Variants in OTOA observed in about 807,000 individuals in gnomAD.
OTOA encodes otoancorin.
OTOA carries 70 observed loss-of-function variants against 110.8 expected under a neutral mutation model. The observed-to-expected ratio is 0.63, with a 90% confidence interval of 0.52 to 0.77. OTOA has a LOEUF of 0.77. Among genes scored for constraint, OTOA ranks in the 30% least tolerant of loss-of-function variants. The pLI, the probability that OTOA is intolerant of heterozygous loss-of-function variation, is 0.00. For missense variants in OTOA, 917 were observed against 1,075.8 expected, an observed-to-expected ratio of 0.85 and a Z score of 2.06; for synonymous variants, 373 against 431.5, an observed-to-expected ratio of 0.86 and a Z score of 1.68.
intron 1 of OTOA, among the ~76,000 whole-genome samples, chr16:21,674,627 C>T (rs1966853719): frequency 6.6e-6 from 1 of 150,412 alleles, no homozygotes; most frequent in Admixed American, 6.6e-5. Flanking sequence ...ATTCACTGCG[C>T]CTGGCTTCAT....
In OTOA at chr16:21,678,662, G is replaced by C. The variant is rs1327269877; in HGVS notation, c.91+57G>C. 2.7e-6 allele frequency: 4 copies of C among 1,480,138 alleles called. No homozygotes were observed. The East Asian group carries it at 9.1e-5, about 34-fold the overall frequency. The allele number at this position is 1,480,138 out of a possible 1,614,324, so 91.7% of individuals were successfully genotyped here. A position where few individuals can be genotyped will look rare whatever the true frequency, so the allele number is the denominator to read the frequency against. ...GTTTCCACACAGTTTAGGGAATGAG[G>C]TGGGATAGATACATTAGGTACATGA... On this transcript the variant is annotated intron_variant, in intron 2 of 28. Transcript: ENST00000646100.
At chr16:21,728,595 T>G (rs889194602) in intron 20 of OTOA, among the ~76,000 whole-genome samples, 164 bp downstream of exon 20, 5 of 152,020 alleles carry the variant, frequency 3.3e-5, no homozygotes, top group African/African-American at 4.8e-5. Flanking sequence ...CTTCAGATTT[T>G]TTTTTTTTTT....
chr16:21,701,035 C>A lies in OTOA; in HGVS notation c.980+8C>A. On this transcript the variant is annotated splice_region_variant and intron_variant, in intron 11 of 28. Coordinates refer to ENST00000646100, the MANE Select transcript of OTOA (RefSeq NM_144672.4). ...TACCTCCACCATCCACAGGCAAGCG[C>A]ATGAGCTCTGGGCCTTGGAGCCCTT... 6.2e-7 allele frequency: 1 copy of A among 1,614,166 alleles called. No homozygotes were observed.
rs1375577876 is a variant in OTOA at position 21,736,277 on chromosome 16, T to C, written c.2318T>C (p.Leu773Pro). The C allele has an allele frequency of 6.2e-7, 1 of 1,613,676 alleles. No individual in the cohort carries two copies. The highest frequency in any genetic ancestry group is 1.1e-5 in the South Asian group (1 of 91,064). The change falls in exon 22 of 29, where the codon CTG becomes CCG. Residue 773 changes from leucine to proline, a missense_variant. By Grantham distance (98) the Leu-to-Pro change is moderately conservative. Coordinates refer to ENST00000646100, the MANE Select transcript of OTOA (RefSeq NM_144672.4). ...TTCACACAGTTTCCTGAGATCCTTCTGCAAGCAGCTTCCAAGATGGCCAGG... is the reference window on the plus strand; with the variant it reads ...TTCACACAGTTTCCTGAGATCCTTCCGCAAGCAGCTTCCAAGATGGCCAGG... ...SIATKFPEIL[L>P]QAASKMARTL... is the part of the protein sequence containing the mutation.
intron 21 of OTOA, among the ~76,000 whole-genome samples, chr16:21,735,803 A>C (rs1899275244): frequency 6.6e-6 from 1 of 152,138 alleles, no homozygotes; most frequent in Admixed American, 6.5e-5. Context: ...CATGTTGGCC[A>C]GGCCAGTCTT....
intron 6 of OTOA, 111 bp from the exon 7 acceptor site, chr16:21,685,119 T>C: frequency 4.9e-6 from 7 of 1,443,000 alleles, no homozygotes; most frequent in Non-Finnish European, 5.7e-6. Flanking sequence ...TGGCCACTAG[T>C]TGTGGTCTCT....
chr16:21,759,765 G>A (rs1597874513), intron 28 of OTOA, among the ~76,000 whole-genome samples: 1 of 151,964 alleles, frequency 6.6e-6, no homozygotes, highest in South Asian at 2.1e-4. Context: ...GCCAGGTGTG[G>A]TGGCACATGC....
intron 12 of OTOA, among the ~76,000 whole-genome samples, chr16:21,706,282 G>A (rs1332347408): frequency 2.0e-5 from 3 of 152,082 alleles, no homozygotes; most frequent in South Asian, 2.1e-4. Context: ...GAGCCATTGC[G>A]CCCAGCTGAC....
At position 21,726,583 on chromosome 16, in the gene OTOA, G is replaced by A. The variant is rs1898925115; in HGVS notation, c.1941G>A (p.Gly647=). The A allele has an allele frequency of 6.2e-7, 1 of 1,613,956 alleles. No individual in the cohort carries two copies. ...SQCVPFLISL[G]KSWLDSLVLD... ...GTGTGCCCTTTCTGATCAGCCTGGG[G>A]AAGAGCTGGTTGGACTCCTTGGTTT... The change falls in exon 19 of 29, where the codon GGG becomes GGA. Residue 647 remains glycine (G), a synonymous_variant. Coordinates refer to ENST00000646100, the MANE Select transcript of OTOA (RefSeq NM_144672.4).
In OTOA at chr16:21,719,290, C is replaced by A. The variant is rs529088240; in HGVS notation, c.1689-97C>A. The stretch of plus-strand genomic sequence containing the variant: ...AGGTGGGAGAGTTAGGCAGTCACAT[C>A]TGTAGCTTGTATCTGATCATATCTG... On this transcript the variant is annotated intron_variant, in intron 16 of 28. Coordinates refer to ENST00000646100, the MANE Select transcript of OTOA (RefSeq NM_144672.4). The A allele has an allele frequency of 4.9e-5, 76 of 1,559,096 alleles. 1 individual carries two copies. The South Asian group carries it at 8.4e-4, about 17-fold the overall frequency.
intron 28 of OTOA, 134 bp from the exon 29 acceptor site, chr16:21,760,336 A>G (rs1900129193): frequency 4.3e-6 from 3 of 690,430 alleles, no homozygotes; most frequent in Non-Finnish European, 7.6e-6. Context: ...CATTGTTCCC[A>G]TTTAAGAGAC....
intron 18 of OTOA, among the ~76,000 whole-genome samples, chr16:21,724,760 CATTAATTA>C (rs1002940902): frequency 2.6e-5 from 4 of 152,008 alleles, no homozygotes; most frequent in African/African-American, 9.7e-5. Context: ...TTCTTCCTTA[CATTAATTA>C]ATTAATTAAT....
intron 18 of OTOA, among the ~76,000 whole-genome samples, chr16:21,724,642 G>A (rs1377306098): frequency 6.6e-6 from 1 of 152,100 alleles, no homozygotes; most frequent in Non-Finnish European, 1.5e-5. Flanking sequence ...CCAGATCTTG[G>A]CATGGCACTT....
At chr16:21,667,955 C>T (rs1431535859) in intron 1 of OTOA, among the ~76,000 whole-genome samples, 5 of 151,174 alleles carry the variant, frequency 3.3e-5, no homozygotes, top group Admixed American at 1.3e-4. Context: ...CCATTTGGTC[C>T]GTGGGTGGTA....
intron 13 of OTOA, among the ~76,000 whole-genome samples, chr16:21,714,348 T>C (rs1421376475): frequency 0.022 from 2,161 of 99,510 alleles, 24 homozygotes; most frequent in Non-Finnish European, 0.033. Flanking sequence ...TTTCTTTCTT[T>C]CTTTCCTTCT....
chr16:21,756,940 T>A (rs1900003679), intron 27 of OTOA, 142 bp from the exon 28 acceptor site: 1 of 157,430 alleles, frequency 6.4e-6, no homozygotes, highest in Non-Finnish European at 1.3e-5. Context: ...GTGATCTAAT[T>A]TTAAGGAAAT....
intron 17 of OTOA, chr16:21,721,653 C>T (rs1898746687): frequency 4.4e-5 from 16 of 361,648 alleles, no homozygotes; most frequent in South Asian, 3.3e-4. Context: ...CTTTGGGAGG[C>T]TGAAGTGGGA....
chr16:21,688,713 T>C (rs1388365146), intron 8 of OTOA, among the ~76,000 whole-genome samples: 3 of 152,012 alleles, frequency 2.0e-5, no homozygotes, highest in Non-Finnish European at 2.9e-5. Flanking sequence ...CCCTCTGGGA[T>C]CTCTTTTATA....
At chr16:21,665,146 G>A (rs540668652) in intron 1 of OTOA, among the ~76,000 whole-genome samples, 1 of 152,242 alleles carries the variant, frequency 6.6e-6, no homozygotes, top group Non-Finnish European at 1.5e-5. Context: ...TTTGGTTCAG[G>A]TTAAAGCTGG....
Sources: gnomAD v4.1 joint callset for allele counts (sites outside exome capture counted in the v4.1 genomes callset) on GRCh38, gnomAD v4.1.1 for gene constraint, MANE v1.5 for transcripts, NCBI Gene and HGNC (gene_info 2026-07-23, HGNC 2026-07-21) for gene names.